Variants in TRPC6 observed in about 807,000 individuals in gnomAD.
The protein encoded by TRPC6 is short transient receptor potential channel 6.
A neutral mutation model predicts 90.7 loss-of-function variants in TRPC6; 55 were observed. The ratio of observed to expected loss-of-function variants is 0.61; its 90% confidence interval spans 0.49 to 0.76. TRPC6 has a LOEUF of 0.76. TRPC6 is among the 30% of genes least tolerant of loss of function. The pLI is 0.00. For missense variants in TRPC6, 989 were observed against 1,122.7 expected (o/e 0.88, Z 1.70); for synonymous variants, 393 against 393.0 (o/e 1.00, Z 0.00).
At chr11:101,566,994 A>T (rs551813343) in intron 1 of TRPC6, among the ~76,000 whole-genome samples, 1 of 138,238 alleles carries the variant, frequency 7.2e-6, no homozygotes, top group Non-Finnish European at 1.5e-5. Context: ...TCCATACCCC[A>T]GTGGCACCTG....
At chr11:101,470,580 A>G (rs1859263811) in intron 9 of TRPC6, among the ~76,000 whole-genome samples, 1 of 152,162 alleles carries the variant, frequency 6.6e-6, no homozygotes, top group East Asian at 1.9e-4. Flanking sequence ...TTCTCTAAAC[A>G]TATCTGAACA....
chr11:101,531,301 C>G (rs1860907282), intron 1 of TRPC6, among the ~76,000 whole-genome samples: 1 of 152,200 alleles, frequency 6.6e-6, no homozygotes, highest in Non-Finnish European at 1.5e-5. Flanking sequence ...AGTACCAGCA[C>G]TTTACAAGTG....
intron 2 of TRPC6, among the ~76,000 whole-genome samples, chr11:101,495,665 C>T (rs1422944718): frequency 1.3e-5 from 2 of 149,814 alleles, no homozygotes; most frequent in Non-Finnish European, 3.0e-5. Flanking sequence ...CAAACAGTAT[C>T]TAGCTCTTTG....
At chr11:101,516,202 T>C (rs1375710753) in intron 1 of TRPC6, among the ~76,000 whole-genome samples, 1 of 151,992 alleles carries the variant, frequency 6.6e-6, no homozygotes, top group African/African-American at 2.4e-5. Flanking sequence ...TATGAACTGA[T>C]TGATACATAG....
chr11:101,516,636 G>A (rs1860529644), intron 1 of TRPC6, among the ~76,000 whole-genome samples: 1 of 152,174 alleles, frequency 6.6e-6, no homozygotes, highest in African/African-American at 2.4e-5. Flanking sequence ...ATTCTTAGAG[G>A]AAGGCTCCTA....
rs1030235914 is a variant in TRPC6 at position 101,558,496 on chromosome 11, C to T, written c.170+24838G>A. 4.7e-4 allele frequency among the ~76,000 whole-genome samples: 59 copies of T among 126,836 alleles called. 16 individuals carry two copies. Among genetic ancestry groups the T allele is most frequent in the African/African-American group, 1.4e-3 (48 of 33,436 alleles). The allele number at this position is 126,836 out of a possible 152,430, so 83.2% of individuals were successfully genotyped here. A position where few individuals can be genotyped will look rare whatever the true frequency, so the allele number is the denominator to read the frequency against. ...ACACACACACACACACACACACACA[C>T]ATATACTAATCAGTGAAACAGAATA... On this transcript the variant is annotated intron_variant, in intron 1 of 12. Transcript: ENST00000344327.
chr11:101,576,656 AATTAT>A (rs1357308097), intron 1 of TRPC6, among the ~76,000 whole-genome samples: 1 of 152,208 alleles, frequency 6.6e-6, no homozygotes, highest in Non-Finnish European at 1.5e-5. Flanking sequence ...AACTGGAACC[AATTAT>A]ATTTGGCATT....
chr11:101,583,265 A>G, intron 1 of TRPC6, 69 bp downstream of exon 1: 1 of 1,516,474 alleles, frequency 6.6e-7, no homozygotes, highest in Non-Finnish European at 8.8e-7. Flanking sequence ...GGACTCGGCC[A>G]CTCCTGCGAG....
In TRPC6 at chr11:101,529,372, A is replaced by G. The variant is rs565343707; in HGVS notation, c.171-24574T>C. On this transcript the variant is annotated intron_variant, in intron 1 of 12. Transcript: ENST00000344327. ...GCTCCTGCCTTTGGAACACTCCCCT[A>G]AGGGAAACAGGAGATGCTGCTGCTT... Among the ~76,000 whole-genome samples the G allele has an allele frequency of 1.2e-4, 19 of 152,350 alleles. No homozygotes were observed. The South Asian group carries it at 3.7e-3, about 30-fold the overall frequency.
At chr11:101,538,598 G>C (rs188162910) in intron 1 of TRPC6, among the ~76,000 whole-genome samples, 140 of 152,296 alleles carry the variant, frequency 9.2e-4, no homozygotes, top group African/African-American at 3.3e-3. Context: ...ATGAAATAAA[G>C]TCTGGAGATA....
At chr11:101,579,421 C>T (rs187869241) in intron 1 of TRPC6, among the ~76,000 whole-genome samples, 2 of 152,310 alleles carry the variant, frequency 1.3e-5, no homozygotes, top group African/African-American at 4.8e-5. Context: ...TATCTACTCA[C>T]TCATGGTCGA....
At chr11:101,510,767 T>A (rs971651904) in intron 1 of TRPC6, among the ~76,000 whole-genome samples, 1 of 152,128 alleles carries the variant, frequency 6.6e-6, no homozygotes, top group Non-Finnish European at 1.5e-5. Flanking sequence ...ATGCCAGCAA[T>A]GCAAATTAGC....
chr11:101,511,731 C>A (rs938748254), intron 1 of TRPC6, among the ~76,000 whole-genome samples: 4 of 152,094 alleles, frequency 2.6e-5, no homozygotes, highest in Admixed American at 6.6e-5. Context: ...GTGGCTCACG[C>A]CTGTAATCCC....
At chr11:101,468,989 T>C (rs1235616487) in intron 10 of TRPC6, among the ~76,000 whole-genome samples, 1 of 152,204 alleles carries the variant, frequency 6.6e-6, no homozygotes, top group African/African-American at 2.4e-5. Context: ...TTGTTCATTA[T>C]ACACGGTGTC....
chr11:101,482,927 A>C lies in TRPC6; in HGVS notation c.1510+22T>G, dbSNP rs774006964. 12 of 1,612,298 alleles carry C rather than the reference A, an allele frequency of 7.4e-6. No individual in the cohort carries two copies. The South Asian group carries it at 1.2e-4, about 16-fold the overall frequency. Reference sequence around the variant, plus strand: ...ACTGCTAAGACTGCAAACAGAAAACATGACAGAAAATCAGTCTTTACCTAT... The same window carrying C: ...ACTGCTAAGACTGCAAACAGAAAACCTGACAGAAAATCAGTCTTTACCTAT... On this transcript the variant is annotated intron_variant, in intron 5 of 12. Coordinates refer to ENST00000344327, the MANE Select transcript of TRPC6 (RefSeq NM_004621.6).
rs1858773465 is a variant in TRPC6 at position 101,451,998 on chromosome 11, A to AT, written c.*956dup. On this transcript the variant is annotated 3_prime_UTR_variant, in exon 13 of 13. Transcript: ENST00000344327. ...GGATAGAACATATTGAAAATAACAG[A>AT]TAAGTATTTACAAATTCTCACCTTA... 1 of 152,216 alleles carries AT rather than the reference A, an allele frequency of 6.6e-6. No homozygotes were observed. The highest frequency in any genetic ancestry group is 1.5e-5 in the Non-Finnish European group (1 of 68,028). The allele number at this position is 152,216 out of a possible 1,614,324, so 9.4% of individuals were successfully genotyped here. A position where few individuals can be genotyped will look rare whatever the true frequency, so the allele number is the denominator to read the frequency against.
intron 1 of TRPC6, among the ~76,000 whole-genome samples, chr11:101,581,700 T>G (rs1788425551): frequency 6.6e-6 from 1 of 152,202 alleles, no homozygotes; most frequent in Non-Finnish European, 1.5e-5. Flanking sequence ...TTTCAGAATA[T>G]CCAAGATTTA....
chr11:101,539,271 G>A (rs1229407685), intron 1 of TRPC6, among the ~76,000 whole-genome samples: 1 of 152,176 alleles, frequency 6.6e-6, no homozygotes, highest in African/African-American at 2.4e-5. Flanking sequence ...CAACTCTGAG[G>A]CTAGACTGCT....
At chr11:101,491,964 C>T (rs906949822) in intron 2 of TRPC6, among the ~76,000 whole-genome samples, 1 of 151,080 alleles carries the variant, frequency 6.6e-6, no homozygotes, top group Admixed American at 6.6e-5. Flanking sequence ...CCTCAGCCTC[C>T]CGAGTAGCTG....
Sources: gnomAD v4.1 joint callset for allele counts (sites outside exome capture counted in the v4.1 genomes callset) on GRCh38, gnomAD v4.1.1 for gene constraint, MANE v1.5 for transcripts, NCBI Gene and HGNC (gene_info 2026-07-23, HGNC 2026-07-21) for gene names.